The following BICD1 variants were observed in gnomAD, a reference collection of about 807,000 sequenced individuals.
BICD1 encodes BICD cargo adaptor 1.
BICD1 carries 35 observed loss-of-function variants against 92.5 expected under a neutral mutation model. The ratio of observed to expected loss-of-function variants is 0.38; its 90% CI spans 0.29 to 0.50. The LOEUF is 0.50. Among genes scored for constraint, BICD1 ranks in the 20% least tolerant of loss-of-function variants. The pLI is 0.93. For missense variants in BICD1, 950 were observed against 1,189.8 expected (o/e 0.80, Z 2.97); for synonymous variants, 429 against 465.1 (o/e 0.92, Z 1.00).
chr12:32,182,890 C>CT (rs34809684), intron 1 of BICD1, among the ~76,000 whole-genome samples: 48 of 63,854 alleles, frequency 7.5e-4, no homozygotes, highest in African/African-American at 2.3e-3. Context: ...TTCTTTCTTT[C>CT]TTTTTTTTTT....
At chr12:32,229,859 T>C (rs1263662682) in intron 2 of BICD1, among the ~76,000 whole-genome samples, 1 of 152,114 alleles carries the variant, frequency 6.6e-6, no homozygotes, top group Non-Finnish European at 1.5e-5. Flanking sequence ...AAGTGGGAAA[T>C]TTTAATGATG....
Position 32,338,915 on chromosome 12 carries a change from C to T in BICD1, c.2700C>T (p.Ser900=). The T allele has an allele frequency of 6.2e-7, 1 of 1,608,172 alleles. No homozygotes were observed. Among genetic ancestry groups the T allele is most frequent in the Non-Finnish European group, 8.5e-7 (1 of 1,177,642 alleles). The change falls in exon 8 of 10, where the codon TCC becomes TCT. Residue 900 remains serine (S), a synonymous_variant. Coordinates refer to ENST00000652176, the MANE Select transcript of BICD1 (RefSeq NM_001714.4). ...TESFLLKGPP[S]MSEFIQGHRL... ...CATTTCTTCTGAAGGGCCCCCCTTC[C>T]ATGAGTGAATTCATCCAAGGGCACC...
chr12:32,135,401 T>C (rs1942699092), intron 1 of BICD1, among the ~76,000 whole-genome samples: 1 of 127,408 alleles, frequency 7.8e-6, no homozygotes, highest in African/African-American at 3.0e-5. Flanking sequence ...TTTTTTTTTT[T>C]TTTTTTTTTT....
chr12:32,167,094 G>C (rs1257206057), intron 1 of BICD1, among the ~76,000 whole-genome samples: 1 of 152,056 alleles, frequency 6.6e-6, no homozygotes, highest in Non-Finnish European at 1.5e-5. Flanking sequence ...TAATTCACTT[G>C]TTTTAAGTCG....
At position 32,216,436 on chromosome 12, in the gene BICD1, G is replaced by T. The variant is rs765998934; in HGVS notation, c.403G>T (p.Ala135Ser). Reference protein sequence around the residue: ...NVQAENERLTAVVQDLKENNE... With the variant: ...NVQAENERLTSVVQDLKENNE... ...ACAGGCAGAAAACGAGAGGCTCACC[G>T]CAGTCGTGCAGGATCTGAAGGAGGT... The change falls in exon 2 of 10, where the codon GCA becomes TCA. Residue 135 changes from alanine to serine, a missense_variant. Around this residue, in one of 5 missense-constraint regions of BICD1, gnomAD observed 202 missense variants for 205.3 expected, o/e 0.98. Coordinates refer to ENST00000652176, the MANE Select transcript of BICD1 (RefSeq NM_001714.4). 11 of 1,613,994 alleles carry T rather than the reference G, an allele frequency of 6.8e-6. No homozygotes were observed. Among genetic ancestry groups the T allele is most frequent in the African/African-American group, 1.3e-5 (1 of 74,906 alleles).
chr12:32,293,492 T>G (rs1947776728), intron 2 of BICD1, among the ~76,000 whole-genome samples: 1 of 151,548 alleles, frequency 6.6e-6, no homozygotes, highest in Admixed American at 6.6e-5. Flanking sequence ...TAATTTTTTT[T>G]TTTTTTTTGG....
At chr12:32,152,739 A>G (rs1943324703) in intron 1 of BICD1, among the ~76,000 whole-genome samples, 1 of 152,206 alleles carries the variant, frequency 6.6e-6, no homozygotes. Flanking sequence ...TTCTATAGGC[A>G]TATGTCATAA....
chr12:32,188,781 G>A (rs544942272), intron 1 of BICD1, among the ~76,000 whole-genome samples: 2 of 151,462 alleles, frequency 1.3e-5, no homozygotes, highest in African/African-American at 2.4e-5. Flanking sequence ...AGGATGGAGT[G>A]CAGTGGTGCA....
At chr12:32,326,809 A>G (rs537554492) in intron 4 of BICD1, among the ~76,000 whole-genome samples, 43 of 152,302 alleles carry the variant, frequency 2.8e-4, no homozygotes, top group African/African-American at 8.4e-4. Flanking sequence ...CTTGAGCCTG[A>G]GAGGCAGAGC....
At chr12:32,235,869 T>A (rs1282493754) in intron 2 of BICD1, among the ~76,000 whole-genome samples, 1 of 151,234 alleles carries the variant, frequency 6.6e-6, no homozygotes, top group Non-Finnish European at 1.5e-5. Context: ...CCCAGCTAAT[T>A]TTTTTGTATT....
At chr12:32,141,619 G>T (rs951645792) in intron 1 of BICD1, among the ~76,000 whole-genome samples, 6 of 151,688 alleles carry the variant, frequency 4.0e-5, no homozygotes, top group African/African-American at 1.2e-4. Context: ...GAGTACAGGC[G>T]CCCGCCACTA....
At chr12:32,342,204 G>GTATATATATATATATATATA (rs3075972) in intron 8 of BICD1, among the ~76,000 whole-genome samples, 1 of 119,302 alleles carries the variant, frequency 8.4e-6, no homozygotes, top group African/African-American at 3.2e-5. Context: ...GTGTGTGTGT[G>GTATATATATATATATATATA]TATATATATA....
chr12:32,287,115 T>G (rs1947590929), intron 2 of BICD1, among the ~76,000 whole-genome samples: 1 of 152,116 alleles, frequency 6.6e-6, no homozygotes, highest in Non-Finnish European at 1.5e-5. Context: ...TCAGCTGAGT[T>G]TCTGGGAGTC....
intron 1 of BICD1, among the ~76,000 whole-genome samples, chr12:32,174,115 A>G (rs1195239671): frequency 6.6e-6 from 1 of 151,922 alleles, no homozygotes; most frequent in Non-Finnish European, 1.5e-5. Flanking sequence ...TATTATAAAT[A>G]TTATCACTTT....
chr12:32,147,300 G>A (rs1277877669), intron 1 of BICD1, among the ~76,000 whole-genome samples: 1 of 152,202 alleles, frequency 6.6e-6, no homozygotes, highest in Non-Finnish European at 1.5e-5. Context: ...GGACTGGAAA[G>A]CAGCTAGATT....
In BICD1 at chr12:32,327,940, C is replaced by T. The variant is rs1286941856; in HGVS notation, c.1485C>T (p.Asn495=). Reference sequence around the variant, plus strand: ...TGCAAAAGATGACCAGCATAGCCAACGAAAATCACAGTACCCTTAATACGG... The same window carrying T: ...TGCAAAAGATGACCAGCATAGCCAATGAAAATCACAGTACCCTTAATACGG... ...KELQKMTSIA[N]ENHSTLNTAQ... is the part of the protein sequence containing the mutation. The change falls in exon 5 of 10, where the codon AAC becomes AAT. Residue 495 remains asparagine, a synonymous_variant. Transcript: ENST00000652176. The T allele has an allele frequency of 1.7e-5, 27 of 1,613,988 alleles. 1 individual carries two copies. The Admixed American group carries it at 2.0e-4, about 12-fold the overall frequency.
At chr12:32,310,081 T>A (rs261900) in intron 4 of BICD1, among the ~76,000 whole-genome samples, 10 of 152,000 alleles carry the variant, frequency 6.6e-5, no homozygotes, top group Non-Finnish European at 1.0e-4. Flanking sequence ...AGGCTGTAAC[T>A]CCCTGAACCA....
intron 1 of BICD1, among the ~76,000 whole-genome samples, chr12:32,134,060 C>T (rs140166858): frequency 6.8e-4 from 104 of 152,190 alleles, no homozygotes; most frequent in African/African-American, 2.3e-3. Context: ...GGATTACAGG[C>T]CTGAGCCACT....
At chr12:32,199,349 A>G (rs1944834545) in intron 1 of BICD1, among the ~76,000 whole-genome samples, 1 of 152,124 alleles carries the variant, frequency 6.6e-6, no homozygotes, top group Non-Finnish European at 1.5e-5. Flanking sequence ...TCCTTCTCAC[A>G]TTGTTTTCTC....
Sources: gnomAD v4.1 joint callset for allele counts (sites outside exome capture counted in the v4.1 genomes callset) on GRCh38, gnomAD v4.1.1 for gene constraint, gnomAD v4.1.1 regional missense constraint, MANE v1.5 for transcripts, NCBI Gene and HGNC (gene_info 2026-07-23, HGNC 2026-07-21) for gene names.